Variants in TTLL8 observed in about 807,000 individuals in gnomAD.
TTLL8 encodes the protein tubulin tyrosine ligase like 8.
Under a neutral mutation model 77.8 loss-of-function variants are expected in TTLL8, and 65 were observed. The ratio of observed to expected loss-of-function variants is 0.84; its 90% confidence interval spans 0.68 to 1.03. TTLL8 has a LOEUF of 1.03. TTLL8 is among the 50% of genes least tolerant of loss of function. The pLI, the probability that TTLL8 is intolerant of heterozygous loss-of-function variation, is 0.00. For missense variants in TTLL8, 910 were observed against 1,004.5 expected (o/e 0.91, Z 1.27); for synonymous variants, 402 against 422.8 (o/e 0.95, Z 0.60).
chr22:50,021,459 G>C (rs1389788804), intron 12 of TTLL8, among the ~76,000 whole-genome samples: 1,700 of 33,220 alleles, frequency 0.051, no homozygotes, highest in Middle Eastern at 0.14. Context: ...ACTCCTCCAT[G>C]TGACGACGTG....
intron 12 of TTLL8, among the ~76,000 whole-genome samples, chr22:50,023,787 G>C (rs1356735724): frequency 2.6e-5 from 4 of 152,090 alleles, no homozygotes; most frequent in African/African-American, 9.7e-5. Context: ...TTGGGAGGCC[G>C]AGGTGGGCAG....
chr22:50,049,373 C>T (rs1270768347), intron 2 of TTLL8, 51 bp from the exon 5 acceptor site: 1 of 1,364,744 alleles, frequency 7.3e-7, no homozygotes, highest in Admixed American at 1.9e-5. Flanking sequence ...AGCCAGACTT[C>T]CCGCACCGGG....
At chr22:50,048,630 G>A (rs1194561110) in intron 3 of TTLL8, among the ~76,000 whole-genome samples, 2 of 152,240 alleles carry the variant, frequency 1.3e-5, no homozygotes. Context: ...CAGGAACCTG[G>A]AAGGGCGAGC....
upstream of TTLL8, among the ~76,000 whole-genome samples, chr22:50,057,911 G>A (rs1332643148): frequency 3.9e-5 from 6 of 151,908 alleles, no homozygotes; most frequent in East Asian, 1.9e-4. Flanking sequence ...TTTCGAGGGC[G>A]GGCGAGTGGG....
intron 1 of TTLL8, among the ~76,000 whole-genome samples, chr22:50,051,996 TG>T (rs2061446030): frequency 6.6e-6 from 1 of 152,110 alleles, no homozygotes; most frequent in African/African-American, 2.4e-5. Flanking sequence ...CAGCTGTAGC[TG>T]GGAACCCTGA....
At chr22:50,048,803 T>C (rs1373599719) in intron 3 of TTLL8, among the ~76,000 whole-genome samples, 1 of 152,250 alleles carries the variant, frequency 6.6e-6, no homozygotes, top group Non-Finnish European at 1.5e-5. Flanking sequence ...TCGCCCTCTT[T>C]ATGGTGGAGT....
intron 12 of TTLL8, chr22:50,027,814 G>A (rs1194601473): frequency 1.0e-6 from 1 of 985,316 alleles, no homozygotes; most frequent in African/African-American, 1.7e-5. Context: ...GAGCTGGCCT[G>A]AGCCCAGCCA....
intron 8 of TTLL8, among the ~76,000 whole-genome samples, chr22:50,036,488 G>A (rs2061337379): frequency 1.3e-5 from 2 of 152,116 alleles, no homozygotes; most frequent in Admixed American, 6.5e-5. Context: ...CAGGAACGGA[G>A]ACCAGTTACG....
chr22:50,055,452 G>A (rs1159959918), upstream of TTLL8: 14 of 498,022 alleles, frequency 2.8e-5, no homozygotes, highest in Non-Finnish European at 4.5e-5. Flanking sequence ...CCAGGAGTTC[G>A]AGACCAGCCT....
chr22:50,035,203 G>A (rs1195380669), intron 8 of TTLL8, among the ~76,000 whole-genome samples: 2 of 152,146 alleles, frequency 1.3e-5, no homozygotes, highest in Admixed American at 6.5e-5. Context: ...GTGAAGACCT[G>A]GTGGGGACCC....
At chr22:50,051,898 G>C (rs1441193415) in intron 1 of TTLL8, among the ~76,000 whole-genome samples, 1 of 152,160 alleles carries the variant, frequency 6.6e-6, no homozygotes, top group Non-Finnish European at 1.5e-5. Flanking sequence ...AAAGCAGAAG[G>C]AGACAAACTG....
At chr22:50,048,128 G>A (rs1222243118) in intron 3 of TTLL8, among the ~76,000 whole-genome samples, 2 of 151,684 alleles carry the variant, frequency 1.3e-5, no homozygotes, top group Non-Finnish European at 2.9e-5. Flanking sequence ...GTGTGTGTGT[G>A]TGTGTGTGTG....
chr22:50,042,445 G>A (rs1274559161), intron 6 of TTLL8, among the ~76,000 whole-genome samples: 2 of 151,914 alleles, frequency 1.3e-5, no homozygotes, highest in Admixed American at 6.6e-5. Flanking sequence ...CGAACAGCTG[G>A]GATTACAGGT....
intron 12 of TTLL8, among the ~76,000 whole-genome samples, chr22:50,028,081 C>T (rs2061242339): frequency 6.6e-6 from 1 of 152,208 alleles, no homozygotes. Flanking sequence ...GTCAAAATGC[C>T]AGGTTGAATC....
chr22:50,036,648 T>G (rs1306770813), intron 8 of TTLL8, among the ~76,000 whole-genome samples: 1 of 151,698 alleles, frequency 6.6e-6, no homozygotes, highest in Non-Finnish European at 1.5e-5. Flanking sequence ...CACCCAGGCT[T>G]GAGTGCAGTG....
rs2061322285 is a variant in TTLL8, at chr22:50,034,501, C to T, written c.922-39G>A. The T allele has an allele frequency of 4.4e-6, 6 of 1,352,480 alleles. No homozygotes were observed. Among genetic ancestry groups the T allele is most frequent in the Admixed American group, 2.0e-5 (1 of 51,098 alleles). The allele number at this position is 1,352,480 out of a possible 1,614,324, so 83.8% of individuals were successfully genotyped here. On this transcript the variant is annotated intron_variant, in intron 8 of 13. Coordinates refer to ENST00000266182, the Ensembl canonical transcript of TTLL8. This position sits in a 1 kb window ranked among gnomAD's most constrained non-coding sequence, Gnocchi z 4.1. The stretch of plus-strand genomic sequence containing the variant: ...TTTCTTGAATTGGAGATGAAAGCAT[C>T]GCCACTACAAAGCAAGATCCAGAAA...
At chr22:50,038,683 G>A (rs771938031) in intron 8 of TTLL8, among the ~76,000 whole-genome samples, 23 of 152,120 alleles carry the variant, frequency 1.5e-4, no homozygotes, top group African/African-American at 4.1e-4. Flanking sequence ...GTGGTGGCAC[G>A]TGCCTGGAGT....
In TTLL8 at chr22:50,021,453, C is replaced by T. The variant is rs530860583; in HGVS notation, c.2204-4891G>A. 2.2e-4 allele frequency among the ~76,000 whole-genome samples: 33 copies of T among 148,580 alleles called. 1 individual carries two copies. Among genetic ancestry groups the T allele is most frequent in the African/African-American group, 8.3e-4 (33 of 39,620 alleles). On this transcript the variant is annotated intron_variant, in intron 12 of 13. Transcript: ENST00000266182. ...GTACTCCTCCATCTGACGTGCACTC[C>T]TCCATGTGACGACGTGCACTCCTCC...
upstream of TTLL8, chr22:50,055,392 G>C: frequency 8.3e-7 from 1 of 1,210,318 alleles, no homozygotes; most frequent in South Asian, 1.3e-5. Context: ...GGTGGCTCAT[G>C]CCTGTAATCC....
Sources: gnomAD v4.1 joint callset for allele counts (sites outside exome capture counted in the v4.1 genomes callset) on GRCh38, gnomAD v4.1.1 for gene constraint, Gnocchi (gnomAD v3.1) non-coding constraint, MANE v1.5 for transcripts, NCBI Gene and HGNC (gene_info 2026-07-23, HGNC 2026-07-21) for gene names.